The following GNGT2 variants were observed in gnomAD, a reference collection of about 807,000 sequenced individuals.
GNGT2 encodes guanine nucleotide-binding protein G(I)/G(S)/G(O) subunit gamma-T2.
A neutral mutation model predicts 3.5 loss-of-function variants in GNGT2; 4 were observed. The ratio of observed to expected loss-of-function variants is 1.13; its 90% CI spans 0.56 to 2.59. GNGT2 has a LOEUF of 2.59. GNGT2 is among the 30% of genes most tolerant of loss of function. The probability of loss-of-function intolerance (pLI) is 0.02; values close to 1 mark genes in which losing one functional copy is unlikely to be tolerated. For missense variants in GNGT2, 64 were observed against 81.2 expected, an observed-to-expected ratio of 0.79 and a Z score of 0.82; for synonymous variants, 31 against 29.5, an observed-to-expected ratio of 1.05 and a Z score of -0.17.
At position 49,210,388 on chromosome 17, in the gene GNGT2, C is replaced by G; in HGVS notation, c.-133+56G>C. The G allele has an allele frequency of 4.9e-6, 1 of 202,132 alleles. No homozygotes were observed. Among genetic ancestry groups the G allele is most frequent in the Non-Finnish European group, 1.0e-5 (1 of 99,724 alleles). 12.5% of individuals were successfully genotyped at this position (202,132 alleles called of 1,614,324 possible). A position where few individuals can be genotyped will look rare whatever the true frequency, so the allele number is the denominator to read the frequency against. ...CTTCCTCCCCAGTCTCCGACCCCAT[C>G]CCCCAGCCGACCAGTTTCCTCTCCA... On this transcript the variant is annotated intron_variant, in intron 1 of 3. Coordinates refer to ENST00000507680, the MANE Select transcript of GNGT2 (RefSeq NM_001198754.2). This position sits in a 1 kb window ranked among gnomAD's most constrained non-coding sequence, Gnocchi z 4.2.
chr17:49,206,606 G>T lies in GNGT2; in HGVS notation c.*151C>A. ...TAATGGGAGAAAAGAGTTGAAGGTG[G>T]GAGTGGGGAATGGGTTCACAATGCA... On this transcript the variant is annotated 3_prime_UTR_variant, in exon 4 of 4. Coordinates refer to ENST00000507680, the MANE Select transcript of GNGT2 (RefSeq NM_001198754.2). 1.5e-6 allele frequency: 1 copy of T among 679,750 alleles called. No individual in the cohort carries two copies. The allele number at this position is 679,750 out of a possible 1,614,324, so 42.1% of individuals were successfully genotyped here.
chr17:49,209,252 T>C (rs1471710995), intron 1 of GNGT2: 2 of 152,548 alleles, frequency 1.3e-5, no homozygotes, highest in Non-Finnish European at 2.9e-5. Flanking sequence ...CCTCTGAGCA[T>C]GCTCTGAGGC....
intron 3 of GNGT2, among the ~76,000 whole-genome samples, 197 bp from the exon 4 acceptor site, chr17:49,207,079 G>T (rs2043113452): frequency 6.6e-6 from 1 of 152,134 alleles, no homozygotes; most frequent in African/African-American, 2.4e-5. Context: ...TTCATGGGCT[G>T]CTTGGCCAGA....
chr17:49,206,915 G>A (rs370939227), intron 3 of GNGT2, 33 bp from the exon 4 acceptor site: 97 of 1,613,266 alleles, frequency 6.0e-5, no homozygotes, highest in Non-Finnish European at 8.0e-5. Flanking sequence ...TTAGGTCCTT[G>A]TTACTGTCTC....
Position 49,210,538 on chromosome 17 carries a change from C to T in GNGT2, c.-227G>A. 2 of 531,846 alleles carry T rather than the reference C, an allele frequency of 3.8e-6. No homozygotes were observed. Among genetic ancestry groups the T allele is most frequent in the South Asian group, 5.2e-5 (2 of 38,470 alleles). 32.9% of individuals were successfully genotyped at this position (531,846 alleles called of 1,614,324 possible). ...TGGGCAGGGGACAGAGAGACACAGG[C>T]TCGGGGAGCAGGACTGACTTCCTCT... On this transcript the variant is annotated 5_prime_UTR_variant, in exon 1 of 4. Transcript: ENST00000507680. The surrounding 1 kb of genome is among the most constrained non-coding windows in gnomAD (Gnocchi z 4.2).
At position 49,210,414 on chromosome 17, in the gene GNGT2, G is replaced by C. The variant is rs1308492736; in HGVS notation, c.-133+30C>G. On this transcript the variant is annotated intron_variant, in intron 1 of 3. Transcript: ENST00000507680. The surrounding 1 kb of genome is among the most constrained non-coding windows in gnomAD (Gnocchi z 4.2). ...CCCCAGCCGACCAGTTTCCTCTCCAGGACCAGGGAGCAATCACAGCTGCCC... is the reference window on the plus strand; with the variant it reads ...CCCCAGCCGACCAGTTTCCTCTCCACGACCAGGGAGCAATCACAGCTGCCC... The C allele has an allele frequency of 4.0e-6, 1 of 247,680 alleles. No homozygotes were observed. Among genetic ancestry groups the C allele is most frequent in the African/African-American group, 2.2e-5 (1 of 45,164 alleles). 15.3% of individuals were successfully genotyped at this position (247,680 alleles called of 1,614,324 possible). A position where few individuals can be genotyped will look rare whatever the true frequency, so the allele number is the denominator to read the frequency against.
chr17:49,209,649 A>G (rs2233360), intron 1 of GNGT2, among the ~76,000 whole-genome samples: 10,663 of 152,188 alleles, frequency 0.07, 582 homozygotes, highest in East Asian at 0.2. Flanking sequence ...TGGAGGAGCA[A>G]AAGTTAAGGG....
intron 2 of GNGT2, among the ~76,000 whole-genome samples, chr17:49,208,472 A>T (rs1366773625): frequency 6.6e-6 from 1 of 151,710 alleles, no homozygotes; most frequent in African/African-American, 2.4e-5. Flanking sequence ...AAAAAAAAAA[A>T]AAAGAGAGAG....
intron 1 of GNGT2, among the ~76,000 whole-genome samples, chr17:49,209,832 G>A (rs974644105): frequency 6.6e-6 from 1 of 152,166 alleles, no homozygotes; most frequent in African/African-American, 2.4e-5. Flanking sequence ...GGATCCTGGA[G>A]GTTGTCTGGT....
chr17:49,206,882 T>A lies in GNGT2; in HGVS notation c.85A>T (p.Ile29Phe). Residue 29 changes from isoleucine to phenylalanine, a missense_variant and splice_region_variant, in exon 4 of 4, where the codon ATT becomes TTT. By Grantham distance (21) the Ile-to-Phe change is conservative. Coordinates refer to ENST00000507680, the MANE Select transcript of GNGT2 (RefSeq NM_001198754.2). Reference protein sequence around the residue: ...KKEVKNTRIPISKAGKEIKEY... With the variant: ...KKEVKNTRIPFSKAGKEIKEY... ...TTGATTTCCTTTCCCGCTTTGGAAA[T>A]CTGCGAGAACACAAAAAATGTTTTA... The A allele has an allele frequency of 1.9e-6, 3 of 1,614,024 alleles. No individual in the cohort carries two copies. In the South Asian group the frequency reaches 3.3e-5, roughly 18 times the overall value.
chr17:49,207,477 C>G, intron 2 of GNGT2, 33 bp from the exon 3 acceptor site: 4 of 1,178,206 alleles, frequency 3.4e-6, no homozygotes, highest in Non-Finnish European at 1.3e-6. Context: ...GATCATAAAT[C>G]TCATCAGCTC....
chr17:49,208,171 A>G (rs2043122267), intron 2 of GNGT2, among the ~76,000 whole-genome samples: 1 of 151,432 alleles, frequency 6.6e-6, no homozygotes, highest in Non-Finnish European at 1.5e-5. Context: ...TCAAAAAATA[A>G]AAAAAGATCC....
Position 49,207,361 on chromosome 17 carries a change from T to A in GNGT2, c.62A>T (p.Glu21Val), listed in dbSNP as rs767055116. 10 of 1,613,570 alleles carry A rather than the reference T, an allele frequency of 6.2e-6. No individual in the cohort carries two copies. The highest frequency in any genetic ancestry group is 8.5e-6 in the Non-Finnish European group (10 of 1,179,472). ...LKMEVEQLKK[E>V]VKNTRIPISK... ...CACCGGAATTCTTGTGTTTTTCACT[T>A]CTTTCTTCAGCTGCTCCACCTCCAT... Residue 21 changes from glutamate to valine, a missense_variant, in exon 3 of 4, where the codon GAA becomes GTA. Glu to Val is a moderately radical substitution (Grantham distance 121, BLOSUM62 -2). Coordinates refer to ENST00000507680, the MANE Select transcript of GNGT2 (RefSeq NM_001198754.2).
chr17:49,206,792 G>T lies in GNGT2; in HGVS notation c.175C>A (p.Pro59Thr), dbSNP rs568050345. The T allele has an allele frequency of 5.0e-6, 8 of 1,613,722 alleles. No individual in the cohort carries two copies. The Middle Eastern group carries it at 6.6e-4, about 133-fold the overall frequency. ...AGACAGCCACCTTTCTCCTTGAAGGGATTCTTGTCCTCAGGGATGCCTTTG... is the reference window on the plus strand; with the variant it reads ...AGACAGCCACCTTTCTCCTTGAAGGTATTCTTGTCCTCAGGGATGCCTTTG... ...FLKGIPEDKN[P>T]FKEKGGCLIS The change falls in exon 4 of 4, where the codon CCC becomes ACC. Residue 59 changes from proline (P) to threonine (T), a missense_variant. Pro to Thr is a conservative substitution (Grantham distance 38). Coordinates refer to ENST00000507680, the MANE Select transcript of GNGT2 (RefSeq NM_001198754.2).
Position 49,206,864 on chromosome 17 carries a change from C to T in GNGT2, c.103G>A (p.Glu35Lys). The T allele has an allele frequency of 6.2e-7, 1 of 1,613,992 alleles. No homozygotes were observed. The highest frequency in any genetic ancestry group is 8.5e-7 in the Non-Finnish European group (1 of 1,179,964). ...TRIPISKAGK[E>K]IKEYVEAQAG... Reference sequence around the variant, plus strand: ...TGGGCCTCCACGTACTCCTTGATTTCCTTTCCCGCTTTGGAAATCTGCGAG... The same window carrying T: ...TGGGCCTCCACGTACTCCTTGATTTTCTTTCCCGCTTTGGAAATCTGCGAG... The change falls in exon 4 of 4, where the codon GAA becomes AAA. Residue 35 changes from glutamate to lysine, a missense_variant. Physicochemically the swap from Glu to Lys is moderately conservative, Grantham distance 56. Transcript: ENST00000507680.
In GNGT2 at chr17:49,210,340, GC is replaced by G. The variant is rs986588007; in HGVS notation, c.-133+103del. 1 of 160,538 alleles carries G rather than the reference GC, an allele frequency of 6.2e-6. No homozygotes were observed. The highest frequency in any genetic ancestry group is 1.3e-5 in the Non-Finnish European group (1 of 74,106). 9.9% of individuals were successfully genotyped at this position (160,538 alleles called of 1,614,324 possible). On this transcript the variant is annotated intron_variant, in intron 1 of 3. Transcript: ENST00000507680. The surrounding 1 kb of genome is among the most constrained non-coding windows in gnomAD (Gnocchi z 4.2). ...TTCCATGAGTGGAAAATCCACCTCC[GC>G]CCCCTATAGCAGGCCAGCCCCCTTC...
Position 49,210,567 on chromosome 17 carries a change from C to A in GNGT2, c.-256G>T. 1 of 590,158 alleles carries A rather than the reference C, an allele frequency of 1.7e-6. No homozygotes were observed. The highest frequency in any genetic ancestry group is 3.0e-6 in the Non-Finnish European group (1 of 333,510). 36.6% of individuals were successfully genotyped at this position (590,158 alleles called of 1,614,324 possible). A position where few individuals can be genotyped will look rare whatever the true frequency, so the allele number is the denominator to read the frequency against. ...GGGAGCAGGACTGACTTCCTCTTGT[C>A]CCGGAATGAGCATGCCTGCCCTTTG... On this transcript the variant is annotated 5_prime_UTR_variant, in exon 1 of 4. Transcript: ENST00000507680. The surrounding 1 kb of genome is among the most constrained non-coding windows in gnomAD (Gnocchi z 4.2).
In GNGT2 at chr17:49,210,047, G is replaced by A. The variant is rs2043145642; in HGVS notation, c.-133+397C>T. Among the ~76,000 whole-genome samples the A allele has an allele frequency of 6.6e-6, 1 of 152,170 alleles. No homozygotes were observed. The highest frequency in any genetic ancestry group is 2.4e-5 in the African/African-American group (1 of 41,426). ...CTTGTCCTGCCTTCATCTGCACAGA[G>A]CGTGTAGGGCAGATCTTCATCACAC... On this transcript the variant is annotated intron_variant, in intron 1 of 3. Transcript: ENST00000507680. The surrounding 1 kb of genome is among the most constrained non-coding windows in gnomAD (Gnocchi z 4.2).
At chr17:49,209,337 A>G (rs1406102250) in intron 1 of GNGT2, 1 of 152,200 alleles carries the variant, frequency 6.6e-6, no homozygotes, top group African/African-American at 2.4e-5. Flanking sequence ...TGCCCATTGG[A>G]TCCCCACAGT....
Sources: gnomAD v4.1 joint callset for allele counts (sites outside exome capture counted in the v4.1 genomes callset) on GRCh38, gnomAD v4.1.1 for gene constraint, Gnocchi (gnomAD v3.1) non-coding constraint, MANE v1.5 for transcripts, NCBI Gene and HGNC (gene_info 2026-07-23, HGNC 2026-07-21) for gene names.